CIBAR2: variants seen among roughly 807,000 people sequenced by gnomAD.
The protein encoded by CIBAR2 is CBY1 interacting BAR domain containing 2, also known as CBY1-interacting BAR domain-containing protein 2.
Under a neutral mutation model 36.2 loss-of-function variants are expected in CIBAR2, and 38 were observed. That is an observed-to-expected ratio of 1.05 (90% CI 0.81 to 1.38). The LOEUF is 1.38. Among genes scored for constraint, CIBAR2 ranks in the 40% most tolerant of loss-of-function variants. The pLI, the probability that CIBAR2 is intolerant of heterozygous loss-of-function variation, is 0.00. For missense variants in CIBAR2, 481 were observed against 383.4 expected, an observed-to-expected ratio of 1.25 and a Z score of -2.13; for synonymous variants, 182 against 149.5, an observed-to-expected ratio of 1.22 and a Z score of -1.58.
chr16:85,105,299 G>C (rs72807606), intron 6 of CIBAR2, 28 bp downstream of exon 6: 33,489 of 1,437,938 alleles, frequency 0.023, 483 homozygotes, highest in Non-Finnish European at 0.028. Context: ...AGCCCAGGGC[G>C]CCTCCCATCC....
chr16:85,109,281 C>G (rs1362776222), intron 2 of CIBAR2, among the ~76,000 whole-genome samples: 1 of 152,006 alleles, frequency 6.6e-6, no homozygotes, highest in African/African-American at 2.4e-5. Flanking sequence ...AGATAATTAG[C>G]TAGTACAGGT....
At chr16:85,099,821 T>TC (rs2073941140) in intron 8 of CIBAR2, among the ~76,000 whole-genome samples, 1 of 97,952 alleles carries the variant, frequency 1.0e-5, no homozygotes, top group Non-Finnish European at 2.0e-5. Context: ...TTTTTTTTTT[T>TC]AGTAGAGATG....
intron 6 of CIBAR2, among the ~76,000 whole-genome samples, 167 bp downstream of exon 6, chr16:85,105,160 G>T (rs1420888759): frequency 6.6e-6 from 1 of 152,322 alleles, no homozygotes; most frequent in Non-Finnish European, 1.5e-5. Flanking sequence ...TAACTGTGCC[G>T]GGAGCCTGTG....
Position 85,112,451 on chromosome 16 carries a change from G to A in CIBAR2, c.-99C>T. 1 of 1,254,906 alleles carries A rather than the reference G, an allele frequency of 8.0e-7. No individual in the cohort carries two copies. The highest frequency in any genetic ancestry group is 1.2e-6 in the Non-Finnish European group (1 of 858,782). 77.7% of individuals were successfully genotyped at this position (1,254,906 alleles called of 1,614,324 possible). A position where few individuals can be genotyped will look rare whatever the true frequency, so the allele number is the denominator to read the frequency against. On this transcript the variant is annotated 5_prime_UTR_variant, in exon 1 of 9. Transcript: ENST00000539556. Reference sequence around the variant, plus strand: ...GAGCCGGGCAGGGCTGGGTGCAGCTGTGTGGCCTGGGCTCAAGGGACGCTG... The same window carrying A: ...GAGCCGGGCAGGGCTGGGTGCAGCTATGTGGCCTGGGCTCAAGGGACGCTG...
rs1296289934 is a variant in CIBAR2 at position 85,107,081 on chromosome 16, G to T, written c.432+586C>A. Among the ~76,000 whole-genome samples the T allele has an allele frequency of 2.6e-5, 4 of 152,234 alleles. No individual in the cohort carries two copies. The South Asian group carries it at 6.2e-4, about 24-fold the overall frequency. On this transcript the variant is annotated intron_variant, in intron 5 of 8. Coordinates refer to ENST00000539556, the MANE Select transcript of CIBAR2 (RefSeq NM_198491.3). ...GAATCGCTTGAACCCTGGAGGCGGA[G>T]GTTGCAGTGAGCCGAGACTCTGCCA...
At chr16:85,111,730 G>A (rs1213505868) in intron 1 of CIBAR2, among the ~76,000 whole-genome samples, 3 of 152,242 alleles carry the variant, frequency 2.0e-5, no homozygotes, top group Non-Finnish European at 2.9e-5. Flanking sequence ...TGTAGTCCCA[G>A]CTACTTGGGA....
rs2073960286 is a variant in CIBAR2 at position 85,102,157 on chromosome 16, C to T, written c.651+57G>A. 12 of 999,964 alleles carry T rather than the reference C, an allele frequency of 1.2e-5. No homozygotes were observed. The South Asian group carries it at 1.7e-4, about 14-fold the overall frequency. 61.9% of individuals were successfully genotyped at this position (999,964 alleles called of 1,614,324 possible). A position where few individuals can be genotyped will look rare whatever the true frequency, so the allele number is the denominator to read the frequency against. ...AAAAACGACTTCTATCAAGACAAAACCAAAATGAAACTCTGCCCCACTCCA... is the reference window on the plus strand; with the variant it reads ...AAAAACGACTTCTATCAAGACAAAATCAAAATGAAACTCTGCCCCACTCCA... On this transcript the variant is annotated intron_variant, in intron 7 of 8. Coordinates refer to ENST00000539556, the MANE Select transcript of CIBAR2 (RefSeq NM_198491.3).
chr16:85,105,236 T>G (rs1401258762), intron 6 of CIBAR2, 91 bp downstream of exon 6: 1 of 772,958 alleles, frequency 1.3e-6, no homozygotes, highest in East Asian at 2.5e-5. Flanking sequence ...ACACTCATGC[T>G]GAAGCATGCA....
At chr16:85,102,188 T>C in intron 7 of CIBAR2, 26 bp downstream of exon 7, 3 of 1,315,366 alleles carry the variant, frequency 2.3e-6, no homozygotes, top group South Asian at 2.4e-5. Context: ...CTCCACCATA[T>C]AGGAAACGGG....
intron 1 of CIBAR2, 63 bp from the exon 2 acceptor site, chr16:85,110,523 G>C: frequency 7.8e-7 from 1 of 1,278,244 alleles, no homozygotes; most frequent in South Asian, 1.4e-5. Context: ...GTCATGCCAA[G>C]AGCAGACAAT....
intron 6 of CIBAR2, among the ~76,000 whole-genome samples, chr16:85,104,603 C>T (rs770226070): frequency 3.3e-5 from 5 of 152,140 alleles, no homozygotes; most frequent in Non-Finnish European, 7.3e-5. Flanking sequence ...ATAATCTCAG[C>T]TACTTGGGAG....
In CIBAR2 at chr16:85,107,973, C is replaced by T. The variant is rs760598196; in HGVS notation, c.325-26G>A. The T allele has an allele frequency of 5.0e-6, 8 of 1,613,536 alleles. No homozygotes were observed. In the African/African-American group the frequency reaches 8.0e-5, roughly 16 times the overall value. On this transcript the variant is annotated intron_variant, in intron 3 of 8. Transcript: ENST00000539556. ...CTGCAGAAAAGGAGGAGGGTTGTTT[C>T]CTGGGATCCCACAGGGCAAGACAGG...
At chr16:85,104,296 G>A (rs1174142972) in intron 6 of CIBAR2, among the ~76,000 whole-genome samples, 3 of 152,342 alleles carry the variant, frequency 2.0e-5, no homozygotes, top group Non-Finnish European at 4.4e-5. Flanking sequence ...GCAGGATGAG[G>A]CCGCAGGCCT....
Position 85,107,340 on chromosome 16 carries a change from C to T in CIBAR2, c.432+327G>A, listed in dbSNP as rs751624053. Among the ~76,000 whole-genome samples the T allele has an allele frequency of 2.6e-4, 40 of 152,234 alleles. No individual in the cohort carries two copies. In the South Asian group the frequency reaches 2.9e-3, roughly 11 times the overall value. On this transcript the variant is annotated intron_variant, in intron 5 of 8. Coordinates refer to ENST00000539556, the MANE Select transcript of CIBAR2 (RefSeq NM_198491.3). ...TTCCACCTGCTGTGCCCCACGAGCT[C>T]CCATAACTGTGTCTCTGTGAGCCCT... is the stretch of plus-strand genomic sequence containing the variant.
At position 85,110,230 on chromosome 16, in the gene CIBAR2, G is replaced by A. The variant is rs2074029624; in HGVS notation, c.251C>T (p.Ala84Val). ...DLAKVQDYRQAQVERLETKVV... is the reference protein window; with the variant it reads ...DLAKVQDYRQVQVERLETKVV... Reference sequence around the variant, plus strand: ...ACCCGGGCCGGCAGCACTCACCTGGGCCTGCCGGTAATCCTGCACTTTGGC... The same window carrying A: ...ACCCGGGCCGGCAGCACTCACCTGGACCTGCCGGTAATCCTGCACTTTGGC... Residue 84 changes from alanine (A) to valine (V), a missense_variant, in exon 2 of 9, where the codon GCC becomes GTC. Ala to Val is a moderately conservative substitution (Grantham distance 64, BLOSUM62 0). Coordinates refer to ENST00000539556, the MANE Select transcript of CIBAR2 (RefSeq NM_198491.3). The A allele has an allele frequency of 1.3e-6, 2 of 1,559,538 alleles. No homozygotes were observed. Among genetic ancestry groups the A allele is most frequent in the Non-Finnish European group, 1.7e-6 (2 of 1,148,506 alleles).
At chr16:85,110,199 T>C in intron 2 of CIBAR2, 27 bp downstream of exon 2, 1 of 1,519,064 alleles carries the variant, frequency 6.6e-7, no homozygotes, top group Non-Finnish European at 8.9e-7. Flanking sequence ...CCCCTCAGCA[T>C]CCCAGACCCG....
chr16:85,106,888 G>A (rs901900447), intron 5 of CIBAR2, among the ~76,000 whole-genome samples: 2 of 152,138 alleles, frequency 1.3e-5, no homozygotes, highest in Non-Finnish European at 2.9e-5. Flanking sequence ...GGCTGGGCCT[G>A]TAATCCCAGC....
intron 1 of CIBAR2, among the ~76,000 whole-genome samples, chr16:85,111,888 G>T (rs1446626683): frequency 6.6e-6 from 1 of 152,204 alleles, no homozygotes; most frequent in Non-Finnish European, 1.5e-5. Context: ...TTGCTTGAGA[G>T]GTTGCCTGGA....
chr16:85,109,377 G>C (rs1228878239), intron 2 of CIBAR2, among the ~76,000 whole-genome samples: 2 of 152,196 alleles, frequency 1.3e-5, no homozygotes, highest in Non-Finnish European at 2.9e-5. Flanking sequence ...GTTGTCATCT[G>C]TCTTGAGAAC....
Sources: allele counts gnomAD v4.1 joint callset (sites outside exome capture counted in the v4.1 genomes callset), GRCh38; gene constraint gnomAD v4.1.1; transcripts MANE v1.5; gene names NCBI Gene and HGNC (gene_info 2026-07-23, HGNC 2026-07-21).